The following FRMPD2 variants were observed in gnomAD, a reference collection of about 807,000 sequenced individuals.
FRMPD2 encodes the protein FERM and PDZ domain containing 2.
A neutral mutation model predicts 140.1 loss-of-function variants in FRMPD2; 96 were observed. The ratio of observed to expected loss-of-function variants is 0.69; its 90% CI spans 0.58 to 0.81. The LOEUF (loss-of-function observed/expected upper bound fraction) is 0.81, where lower values mean the gene tolerates loss of function less well. FRMPD2 is among the 40% of genes least tolerant of loss of function. The probability of loss-of-function intolerance (pLI) is 0.00; values close to 1 mark genes in which losing one functional copy is unlikely to be tolerated. For missense variants in FRMPD2, 1,240 were observed against 1,447.4 expected (o/e 0.86, Z 2.32); for synonymous variants, 449 against 547.6 (o/e 0.82, Z 2.52).
Position 48,236,340 on chromosome 10 carries a change from A to G in FRMPD2, c.993+142T>C. 7.0e-6 allele frequency: 5 copies of G among 712,330 alleles called. No homozygotes were observed. In the South Asian group the frequency reaches 7.1e-5, roughly 10 times the overall value. 44.1% of individuals were successfully genotyped at this position (712,330 alleles called of 1,614,324 possible). A position where few individuals can be genotyped will look rare whatever the true frequency, so the allele number is the denominator to read the frequency against. ...AAAACAGCAGCAGTGGGAGGCAGTG[A>G]TGGTTCTGGCAGAGGTCTGGGGGAA... On this transcript the variant is annotated intron_variant, in intron 9 of 28. Coordinates refer to ENST00000374201, the MANE Select transcript of FRMPD2 (RefSeq NM_001018071.4).
chr10:48,182,193 G>A (rs1350643568), intron 20 of FRMPD2, among the ~76,000 whole-genome samples: 1 of 152,060 alleles, frequency 6.6e-6, no homozygotes, highest in Non-Finnish European at 1.5e-5. Context: ...GAGTGGCAGG[G>A]CCACTGTTTC....
intron 9 of FRMPD2, among the ~76,000 whole-genome samples, chr10:48,235,209 T>C (rs1839940441): frequency 6.6e-6 from 1 of 152,182 alleles, no homozygotes. Context: ...TTTTCATGCT[T>C]TGGGTAACTC....
chr10:48,224,231 C>G (rs1839673580), intron 10 of FRMPD2, among the ~76,000 whole-genome samples: 1 of 152,024 alleles, frequency 6.6e-6, no homozygotes, highest in Admixed American at 6.6e-5. Context: ...CAGCAAAGCT[C>G]AACCCCTCCA....
intron 13 of FRMPD2, among the ~76,000 whole-genome samples, chr10:48,210,631 G>A (rs889835138): frequency 9.9e-5 from 15 of 152,192 alleles, no homozygotes; most frequent in African/African-American, 3.4e-4. Flanking sequence ...CTCATCAAGG[G>A]AATGCTTCGT....
Position 48,187,193 on chromosome 10 carries a change from T to A in FRMPD2, c.2265A>T (p.Ala755=), listed in dbSNP as rs1359235133. 21 of 1,612,554 alleles carry A rather than the reference T, an allele frequency of 1.3e-5. No individual in the cohort carries two copies. The East Asian group carries it at 4.7e-4, about 36-fold the overall frequency. The part of the protein sequence containing the change: ...LSGPPVQSMH[A]GSKNNRRKSF... ...ACCTGGTCGTGGCCTGGCCCATACC[T>A]GCATGCATGCTCTGAACAGGTGGTC... The change falls in exon 17 of 29, where the codon GCA becomes GCT. Residue 755 remains alanine (A), a splice_region_variant and synonymous_variant. Coordinates refer to ENST00000374201, the MANE Select transcript of FRMPD2 (RefSeq NM_001018071.4).
At chr10:48,173,681 G>A (rs1399219297) in intron 24 of FRMPD2, among the ~76,000 whole-genome samples, 1 of 152,250 alleles carries the variant, frequency 6.6e-6, no homozygotes, top group East Asian at 1.9e-4. Flanking sequence ...AGTCTCCAAT[G>A]CTTCCCATCA....
intron 12 of FRMPD2, among the ~76,000 whole-genome samples, chr10:48,220,331 G>A (rs919247236): frequency 6.6e-6 from 1 of 152,112 alleles, no homozygotes; most frequent in Admixed American, 6.5e-5. Context: ...AAAACATAAA[G>A]AGGGGAAAGG....
intron 4 of FRMPD2, 140 bp downstream of exon 4, chr10:48,244,644 T>A: frequency 1.5e-6 from 1 of 652,402 alleles, no homozygotes. Flanking sequence ...TGTGATAAGT[T>A]CTCAACGCCT....
chr10:48,188,457 G>GATCTCAGT (rs1838744373), intron 16 of FRMPD2, among the ~76,000 whole-genome samples: 1 of 152,220 alleles, frequency 6.6e-6, no homozygotes, highest in Non-Finnish European at 1.5e-5. Context: ...TTGCCTTGCA[G>GATCTCAGT]CACGATCGAC....
intron 28 of FRMPD2, among the ~76,000 whole-genome samples, chr10:48,161,845 A>G (rs1407092485): frequency 6.6e-6 from 1 of 151,370 alleles, no homozygotes. Flanking sequence ...GACTGCCTAT[A>G]CTAATAGTTT....
At chr10:48,271,641 A>T (rs1352121961) in intron 1 of FRMPD2, among the ~76,000 whole-genome samples, 2 of 152,266 alleles carry the variant, frequency 1.3e-5, no homozygotes, top group Non-Finnish European at 2.9e-5. Flanking sequence ...GGCAAGAAAA[A>T]AAAAGGGAGG....
intron 13 of FRMPD2, among the ~76,000 whole-genome samples, chr10:48,211,110 G>A (rs570859878): frequency 3.3e-5 from 5 of 152,332 alleles, no homozygotes; most frequent in South Asian, 4.1e-4. Flanking sequence ...TGGGTAGACC[G>A]CAGTCCTCCC....
intron 15 of FRMPD2, among the ~76,000 whole-genome samples, chr10:48,194,568 T>C (rs901054785): frequency 3.9e-5 from 6 of 152,182 alleles, no homozygotes; most frequent in African/African-American, 1.4e-4. Flanking sequence ...GTACAGAGAC[T>C]GTGATTACAG....
intron 2 of FRMPD2, 116 bp from the exon 3 acceptor site, chr10:48,249,294 A>G (rs753533826): frequency 2.2e-5 from 20 of 915,014 alleles, no homozygotes; most frequent in Non-Finnish European, 3.2e-5. Flanking sequence ...AATGTGAGCA[A>G]GACCCAGAGG....
intron 8 of FRMPD2, among the ~76,000 whole-genome samples, chr10:48,236,787 G>T (rs1434789382): frequency 6.6e-6 from 1 of 152,074 alleles, no homozygotes; most frequent in Non-Finnish European, 1.5e-5. Context: ...TCTTAAGTTG[G>T]GTACAGGGGT....
chr10:48,232,254 G>T lies in FRMPD2; in HGVS notation c.1029C>A (p.Asp343Glu). The change falls in exon 10 of 29, where the codon GAC becomes GAA. Residue 343 changes from aspartate (D) to glutamate (E), a missense_variant. Asp to Glu is a conservative substitution (Grantham distance 45). This residue lies in a region of FRMPD2 where 1,161 missense variants were observed against 1,055.9 expected (regional missense o/e 1.10). Transcript: ENST00000374201. ...KKGKSYLALR[D>E]LCVVLLNGQH... ...GCCCGTTCAGCAGGACCACACAGAG[G>T]TCCCTGAGAGCCAAATAGGATTTCC... 6.2e-7 allele frequency: 1 copy of T among 1,613,350 alleles called. No homozygotes were observed. The highest frequency in any genetic ancestry group is 8.5e-7 in the Non-Finnish European group (1 of 1,179,556).
At chr10:48,224,465 G>T (rs762155907) in intron 10 of FRMPD2, among the ~76,000 whole-genome samples, 5 of 152,136 alleles carry the variant, frequency 3.3e-5, no homozygotes, top group Non-Finnish European at 4.4e-5. Context: ...TGGGGAGGGG[G>T]TGTCCAGGAT....
chr10:48,274,422 G>A (rs887972539), intron 1 of FRMPD2, 121 bp downstream of exon 1: 7 of 804,472 alleles, frequency 8.7e-6, no homozygotes, highest in Non-Finnish European at 1.5e-5. Context: ...ACCACAAAGG[G>A]CACTGACACA....
chr10:48,254,522 C>T (rs144055599), intron 1 of FRMPD2, among the ~76,000 whole-genome samples: 6 of 152,340 alleles, frequency 3.9e-5, no homozygotes, highest in Middle Eastern at 3.4e-3. Context: ...CACTAGCCCA[C>T]CAGCCCTTAA....
Sources: allele counts gnomAD v4.1 joint callset (sites outside exome capture counted in the v4.1 genomes callset), GRCh38; gene constraint gnomAD v4.1.1; regional missense constraint gnomAD v4.1.1; transcripts MANE v1.5; gene names NCBI Gene and HGNC (gene_info 2026-07-23, HGNC 2026-07-21).